Variants in GLYR1 observed in about 807,000 individuals in gnomAD.
GLYR1 encodes the protein cytokine-like nuclear factor N-PAC.
Under a neutral mutation model 72.7 loss-of-function variants are expected in GLYR1, and 21 were observed. The ratio of observed to expected loss-of-function variants is 0.29; its 90% CI spans 0.20 to 0.42. The LOEUF (loss-of-function observed/expected upper bound fraction) is 0.42, where lower values mean the gene tolerates loss of function less well. Among genes scored for constraint, GLYR1 ranks in the 10% least tolerant of loss-of-function variants. GLYR1 has a pLI of 1.00. For synonymous variants in GLYR1, 392 were observed against 270.2 expected, an observed-to-expected ratio of 1.45 and a Z score of -4.42; for missense variants, 594 against 712.1, an observed-to-expected ratio of 0.83 and a Z score of 1.89.
intron 3 of GLYR1, among the ~76,000 whole-genome samples, chr16:4,838,492 C>G (rs1435774283): frequency 6.6e-6 from 1 of 152,174 alleles, no homozygotes; most frequent in African/African-American, 2.4e-5. Flanking sequence ...TGTCCACAAT[C>G]TGTTGAACCG....
chr16:4,814,497 T>C (rs1173456609), intron 11 of GLYR1, 40 bp downstream of exon 11: 2 of 1,493,610 alleles, frequency 1.3e-6, no homozygotes, highest in Non-Finnish European at 1.9e-6. Context: ...CAATCCTGGC[T>C]GTGACCCGGA....
chr16:4,812,342 C>T (rs1275336252), intron 12 of GLYR1, 94 bp from the exon 13 acceptor site: 3 of 1,362,938 alleles, frequency 2.2e-6, no homozygotes, highest in Non-Finnish European at 3.0e-6. Context: ...CACGGCTGCT[C>T]ATCACCTTCC....
Position 4,814,652 on chromosome 16 carries a change from A to C in GLYR1, c.907-5T>G, listed in dbSNP as rs754302703. 1 of 1,606,212 alleles carries C rather than the reference A, an allele frequency of 6.2e-7. No individual in the cohort carries two copies. ...CTCCTGGATGAACAAATCACACTGC[A>C]AAAGTCACAGATCCTAACGTGAGCT... On this transcript the variant is annotated splice_polypyrimidine_tract_variant and splice_region_variant and intron_variant, in intron 10 of 15. Transcript: ENST00000321919.
At chr16:4,821,665 C>T (rs1215129832) in intron 7 of GLYR1, 68 bp from the exon 8 acceptor site, 2 of 1,466,150 alleles carry the variant, frequency 1.4e-6, no homozygotes, top group Non-Finnish European at 1.9e-6. Context: ...TAATAATCCC[C>T]TCAAAGGTTA....
chr16:4,807,107 C>CTT lies in GLYR1; in HGVS notation c.1588-1799_1588-1798dup, dbSNP rs765039360. Among the ~76,000 whole-genome samples, 1,020 of 110,802 alleles carry CTT rather than the reference C, an allele frequency of 9.2e-3. 29 individuals are homozygous for CTT. The highest frequency in any genetic ancestry group is 0.028 in the African/African-American group (819 of 28,814). The allele number at this position is 110,802 out of a possible 152,430, so 72.7% of individuals were successfully genotyped here. Reference sequence around the variant, plus strand: ...AGGCGTGAGCCACTGCGCCTGGCCCCTTTTTTTTTTTTTTTTTTTTTTGAG... The same window carrying CTT: ...AGGCGTGAGCCACTGCGCCTGGCCCCTTTTTTTTTTTTTTTTTTTTTTTTGAG... On this transcript the variant is annotated intron_variant, in intron 15 of 15. Transcript: ENST00000321919.
intron 5 of GLYR1, among the ~76,000 whole-genome samples, chr16:4,827,595 A>AC (rs965564135): frequency 1.4e-5 from 2 of 143,444 alleles, no homozygotes; most frequent in African/African-American, 5.4e-5. Context: ...AAAAAAACAA[A>AC]CAAACAAACA....
At chr16:4,806,918 T>C (rs1308072255) in intron 15 of GLYR1, among the ~76,000 whole-genome samples, 1 of 148,536 alleles carries the variant, frequency 6.7e-6, no homozygotes, top group East Asian at 2.1e-4. Flanking sequence ...GCCATTCTCC[T>C]GCTTCAGCCT....
chr16:4,826,064 T>C (rs1393095242), intron 5 of GLYR1, among the ~76,000 whole-genome samples: 5 of 152,026 alleles, frequency 3.3e-5, no homozygotes, highest in Non-Finnish European at 2.9e-5. Context: ...TATTTATTTA[T>C]TTGGAGGCAT....
At chr16:4,824,817 G>A (rs2084276052) in intron 5 of GLYR1, among the ~76,000 whole-genome samples, 1 of 152,078 alleles carries the variant, frequency 6.6e-6, no homozygotes, top group Non-Finnish European at 1.5e-5. Flanking sequence ...ATGTTACCTT[G>A]CACTCCCTTT....
In GLYR1 at chr16:4,828,462, C is replaced by T. The variant is rs574989097; in HGVS notation, c.537+3517G>A. The stretch of plus-strand genomic sequence containing the variant: ...TTTAACATGCAATGGGAAACCAAGA[C>T]GTTTGTGTGACCTGCAATGATCTGG... On this transcript the variant is annotated intron_variant, in intron 5 of 15. Transcript: ENST00000321919. Among the ~76,000 whole-genome samples, 108 of 152,192 alleles carry T rather than the reference C, an allele frequency of 7.1e-4. 1 individual carries two copies. The highest frequency in any genetic ancestry group is 2.5e-3 in the African/African-American group (102 of 41,534).
At chr16:4,809,693 G>A (rs2083215161) in intron 15 of GLYR1, among the ~76,000 whole-genome samples, 1 of 151,532 alleles carries the variant, frequency 6.6e-6, no homozygotes, top group Non-Finnish European at 1.5e-5. Context: ...GGAGGCTGAG[G>A]TGGACGGATC....
intron 5 of GLYR1, among the ~76,000 whole-genome samples, chr16:4,829,098 A>C (rs2142006883): frequency 6.6e-6 from 1 of 152,044 alleles, no homozygotes; most frequent in African/African-American, 2.4e-5. Flanking sequence ...AGCTTTTCCA[A>C]ACCTTGGGCT....
intron 5 of GLYR1, among the ~76,000 whole-genome samples, chr16:4,826,440 T>C (rs2084384350): frequency 6.6e-6 from 1 of 152,144 alleles, no homozygotes; most frequent in Non-Finnish European, 1.5e-5. Flanking sequence ...TCTGTCATAT[T>C]AGAAGCACAT....
chr16:4,806,244 T>G (rs1310452245), intron 15 of GLYR1, among the ~76,000 whole-genome samples: 1 of 152,094 alleles, frequency 6.6e-6, no homozygotes, highest in South Asian at 2.1e-4. Context: ...ATGGCAGCAG[T>G]GCCGAGGTTG....
intron 9 of GLYR1, among the ~76,000 whole-genome samples, chr16:4,819,352 G>A (rs1331354833): frequency 6.6e-6 from 1 of 152,064 alleles, no homozygotes; most frequent in Non-Finnish European, 1.5e-5. Context: ...CTGTCTCCCA[G>A]GCTGGAGTGC....
chr16:4,828,255 G>T (rs1017418970), intron 5 of GLYR1, among the ~76,000 whole-genome samples: 1 of 151,816 alleles, frequency 6.6e-6, no homozygotes, highest in African/African-American at 2.4e-5. Flanking sequence ...ATTTTTAGTA[G>T]AGACGGGGTT....
intron 6 of GLYR1, among the ~76,000 whole-genome samples, chr16:4,823,485 G>T (rs74849042): frequency 0.062 from 9,450 of 152,118 alleles, 294 homozygotes; most frequent in African/African-American, 0.086. Context: ...CAATAAGAGG[G>T]TGTTTATAAA....
At chr16:4,847,178 G>A (rs888969854) in intron 1 of GLYR1, 50 bp downstream of exon 1, 29 of 1,550,664 alleles carry the variant, frequency 1.9e-5, no homozygotes, top group Non-Finnish European at 2.5e-5. Flanking sequence ...CCCGCGCCCA[G>A]GCGGGTAGCT....
At chr16:4,822,017 G>A (rs778814077) in intron 7 of GLYR1, among the ~76,000 whole-genome samples, 1 of 152,230 alleles carries the variant, frequency 6.6e-6, no homozygotes, top group South Asian at 2.1e-4. Flanking sequence ...GGTGCTGACA[G>A]CTTACGATGT....
Sources: gnomAD v4.1 joint callset for allele counts (sites outside exome capture counted in the v4.1 genomes callset) on GRCh38, gnomAD v4.1.1 for gene constraint, MANE v1.5 for transcripts, NCBI Gene and HGNC (gene_info 2026-07-23, HGNC 2026-07-21) for gene names.